PBX1: variants seen among roughly 807,000 people sequenced by gnomAD.
PBX1 encodes the protein PBX homeobox 1.
Under a neutral mutation model 53.4 loss-of-function variants are expected in PBX1, and 6 were observed. That is an observed-to-expected ratio of 0.11 (90% CI 0.06 to 0.22). PBX1 has a LOEUF of 0.22. Among genes scored for constraint, PBX1 ranks in the 10% least tolerant of loss-of-function variants. The pLI is 1.00. For synonymous variants in PBX1, 204 were observed against 212.3 expected, an observed-to-expected ratio of 0.96 and a Z score of 0.34; for missense variants, 251 against 551.4, an observed-to-expected ratio of 0.46 and a Z score of 5.46.
intron 2 of PBX1, among the ~76,000 whole-genome samples, chr1:164,702,607 G>C (rs1557952952): frequency 6.6e-6 from 1 of 152,076 alleles, no homozygotes; most frequent in Admixed American, 6.5e-5. Flanking sequence ...GTGCTTGACT[G>C]TGTGCTTCTA....
intron 8 of PBX1, among the ~76,000 whole-genome samples, chr1:164,822,786 A>G (rs1340480796): frequency 1.3e-5 from 2 of 152,286 alleles, no homozygotes; most frequent in Admixed American, 6.5e-5. Context: ...AGGGGTTAGG[A>G]TAGGATAGGA....
intron 2 of PBX1, among the ~76,000 whole-genome samples, chr1:164,712,970 C>T (rs778064140): frequency 6.6e-6 from 1 of 152,212 alleles, no homozygotes; most frequent in Non-Finnish European, 1.5e-5. Flanking sequence ...CCCTGCCCAA[C>T]TCATCATCCT....
intron 2 of PBX1, among the ~76,000 whole-genome samples, chr1:164,678,174 T>G (rs1357692179): frequency 1.3e-5 from 2 of 152,146 alleles, no homozygotes; most frequent in Non-Finnish European, 2.9e-5. Flanking sequence ...CATGTATCCA[T>G]ATGTTTATAT....
chr1:164,878,192 A>G (rs1230616275), intron 2 of PBX1, among the ~76,000 whole-genome samples: 2 of 152,174 alleles, frequency 1.3e-5, no homozygotes, highest in African/African-American at 4.8e-5. Flanking sequence ...CAAGTTTCTT[A>G]ATCTGTCTGA....
intron 2 of PBX1, among the ~76,000 whole-genome samples, chr1:164,751,230 G>C (rs1055505789): frequency 6.6e-6 from 1 of 150,790 alleles, no homozygotes; most frequent in African/African-American, 2.4e-5. Flanking sequence ...TGGGAGAATC[G>C]CTTGAGCCCA....
In PBX1 at chr1:164,686,457, A is replaced by C. The variant is rs190645869; in HGVS notation, c.266-106037A>C. ...GTGAAAACAAGGACAGATGCAGCAGAGGTGGCATCAGGAACAAATGGGTCA... is the reference window on the plus strand; with the variant it reads ...GTGAAAACAAGGACAGATGCAGCAGCGGTGGCATCAGGAACAAATGGGTCA... On this transcript the variant is annotated intron_variant, in intron 2 of 8. Transcript: ENST00000420696. Among the ~76,000 whole-genome samples, 5 of 152,302 alleles carry C rather than the reference A, an allele frequency of 3.3e-5. No individual in the cohort carries two copies. The East Asian group carries it at 9.6e-4, about 29-fold the overall frequency.
intron 2 of PBX1, among the ~76,000 whole-genome samples, chr1:164,567,737 G>A (rs1243364655): frequency 6.6e-6 from 1 of 152,124 alleles, no homozygotes; most frequent in African/African-American, 2.4e-5. Context: ...GAACAATTCT[G>A]GCTTTTGAGA....
intron 2 of PBX1, among the ~76,000 whole-genome samples, chr1:164,621,082 G>A (rs570236340): frequency 1.7e-3 from 254 of 152,316 alleles, no homozygotes; most frequent in Non-Finnish European, 3.2e-3. Context: ...TCCGCCTCCC[G>A]GATTCAAGCG....
At chr1:164,668,322 G>T (rs951306810) in intron 2 of PBX1, among the ~76,000 whole-genome samples, 1 of 152,162 alleles carries the variant, frequency 6.6e-6, no homozygotes, top group Non-Finnish European at 1.5e-5. Context: ...AGACCCGATT[G>T]TGTCTTGATT....
At chr1:164,648,134 T>C (rs1659580032) in intron 2 of PBX1, among the ~76,000 whole-genome samples, 2 of 152,234 alleles carry the variant, frequency 1.3e-5, no homozygotes, top group South Asian at 4.2e-4. Context: ...TTTTGTGTTA[T>C]GCACTGGGGT....
At chr1:164,621,208 C>T (rs1250703170) in intron 2 of PBX1, among the ~76,000 whole-genome samples, 12 of 151,298 alleles carry the variant, frequency 7.9e-5, no homozygotes, top group African/African-American at 1.7e-4. Flanking sequence ...TGGATGGTCT[C>T]GATCTCTTGA....
At chr1:164,648,025 C>G (rs1036846864) in intron 2 of PBX1, among the ~76,000 whole-genome samples, 8 of 152,048 alleles carry the variant, frequency 5.3e-5, no homozygotes, top group Admixed American at 2.0e-4. Flanking sequence ...CCGTATTAGC[C>G]AGGAAGGTCT....
chr1:164,779,404 A>G (rs1251469081), intron 2 of PBX1, among the ~76,000 whole-genome samples: 1 of 152,058 alleles, frequency 6.6e-6, no homozygotes, highest in Non-Finnish European at 1.5e-5. Flanking sequence ...TGGAGTAGCA[A>G]TGTTGGCAAA....
chr1:164,817,047 G>A (rs1238720031), intron 6 of PBX1: 5 of 150,844 alleles, frequency 3.3e-5, no homozygotes, highest in Admixed American at 1.3e-4. Flanking sequence ...ATTTAGTTCT[G>A]CACATGCCCC....
intron 2 of PBX1, among the ~76,000 whole-genome samples, chr1:164,677,167 A>T (rs2054918): frequency 0.051 from 7,425 of 146,376 alleles, 295 homozygotes; most frequent in East Asian, 0.2. Context: ...ATCTCGGCTC[A>T]CTGCAAGCTC....
intron 2 of PBX1, among the ~76,000 whole-genome samples, chr1:164,864,464 T>C (rs528671765): frequency 6.6e-6 from 1 of 152,324 alleles, no homozygotes; most frequent in Admixed American, 6.5e-5. Context: ...TATTTATTTA[T>C]TTGTTTGCTT....
chr1:164,586,328 A>C (rs935867642), intron 2 of PBX1, among the ~76,000 whole-genome samples: 4 of 152,240 alleles, frequency 2.6e-5, no homozygotes, highest in Non-Finnish European at 5.9e-5. Flanking sequence ...TGTTGCAAGA[A>C]CAAGCATCAA....
chr1:164,664,488 C>T (rs1047639782), intron 2 of PBX1, among the ~76,000 whole-genome samples: 15 of 152,334 alleles, frequency 9.8e-5, no homozygotes, highest in African/African-American at 3.6e-4. Context: ...CAAACCAAAA[C>T]TGACCATACC....
intron 2 of PBX1, among the ~76,000 whole-genome samples, chr1:164,600,602 G>A (rs1656103686): frequency 6.6e-6 from 1 of 152,160 alleles, no homozygotes; most frequent in South Asian, 2.1e-4. Flanking sequence ...GCCACAAAAG[G>A]CAAACAGAGC....
Sources: allele counts gnomAD v4.1 joint callset (sites outside exome capture counted in the v4.1 genomes callset), GRCh38; gene constraint gnomAD v4.1.1; transcripts MANE v1.5; gene names NCBI Gene and HGNC (gene_info 2026-07-23, HGNC 2026-07-21).